Variants in BLTP2 observed in about 807,000 individuals in gnomAD.
BLTP2 encodes U937-associated antigen.
chr17:28,631,490 T>C, the BLTP2 span: 62 of 1,613,894 alleles, frequency 3.8e-5, no homozygotes, highest in Middle Eastern at 9.9e-4. Context: ...TCCTCAGCTG[T>C]GCGATTGCTA....
At chr17:28,632,081 G>T in the BLTP2 span, 6 of 1,614,102 alleles carry the variant, frequency 3.7e-6, no homozygotes, top group South Asian at 6.6e-5. Context: ...GTATAGGAAA[G>T]TTGCTTGTAG....
At chr17:28,622,477 T>C in the BLTP2 span, among the ~76,000 whole-genome samples, 1 of 152,290 alleles carries the variant, frequency 6.6e-6, no homozygotes, top group East Asian at 1.9e-4. Flanking sequence ...AATGGACTTA[T>C]CACTGTGGTC....
chr17:28,637,918 T>C, the BLTP2 span: 1 of 1,614,056 alleles, frequency 6.2e-7, no homozygotes, highest in Non-Finnish European at 8.5e-7. Context: ...ATTCCCCAAA[T>C]GAAGAGTGCC....
At chr17:28,633,231 C>T in the BLTP2 span, 1 of 1,599,720 alleles carries the variant, frequency 6.3e-7, no homozygotes, top group Non-Finnish European at 8.6e-7. Context: ...TTCCCCCTCC[C>T]TCCAACCTGA....
At chr17:28,628,281 A>T in the BLTP2 span, 1 of 1,614,140 alleles carries the variant, frequency 6.2e-7, no homozygotes, top group Admixed American at 1.7e-5. Context: ...ATGACCCCTT[A>T]TCAGGTTGTC....
At chr17:28,644,228 A>G in the BLTP2 span, 6 of 1,601,882 alleles carry the variant, frequency 3.7e-6, no homozygotes, top group Non-Finnish European at 5.1e-6. Flanking sequence ...CCTTTTTCCA[A>G]TGATGGTTTC....
At chr17:28,631,429 G>C in the BLTP2 span, 1 of 1,500,742 alleles carries the variant, frequency 6.7e-7, no homozygotes, top group Non-Finnish European at 9.3e-7. Context: ...AGTAGGCTGA[G>C]ATACCTACTA....
chr17:28,640,888 A>G, the BLTP2 span, among the ~76,000 whole-genome samples: 1 of 152,244 alleles, frequency 6.6e-6, no homozygotes, highest in African/African-American at 2.4e-5. Context: ...TAAAGAGTAC[A>G]AGGAGCAGGT....
the BLTP2 span, chr17:28,619,021 T>TAACA: frequency 6.6e-7 from 1 of 1,508,312 alleles, no homozygotes; most frequent in African/African-American, 1.4e-5. Context: ...AGCACATGGG[T>TAACA]TGGGGGTGGG....
the BLTP2 span, chr17:28,620,716 C>A: frequency 1.4e-6 from 2 of 1,458,966 alleles, no homozygotes; most frequent in South Asian, 1.2e-5. Flanking sequence ...TGGAACCACC[C>A]CACTAGTCAA....
At chr17:28,641,045 A>G in the BLTP2 span, among the ~76,000 whole-genome samples, 5 of 152,262 alleles carry the variant, frequency 3.3e-5, no homozygotes, top group African/African-American at 1.2e-4. Context: ...GGATTTAGTT[A>G]GAGAATATAC....
At chr17:28,639,950 G>C in the BLTP2 span, 7 of 1,613,990 alleles carry the variant, frequency 4.3e-6, no homozygotes, top group South Asian at 1.1e-5. Context: ...AGTTTGCTGT[G>C]AAGCTTCGAA....
At chr17:28,625,946 G>A in the BLTP2 span, among the ~76,000 whole-genome samples, 1 of 152,134 alleles carries the variant, frequency 6.6e-6, no homozygotes. Context: ...TGTATTTTTA[G>A]TAGAGACAGG....
chr17:28,616,584 T>C, the BLTP2 span: 1 of 1,614,076 alleles, frequency 6.2e-7, no homozygotes, highest in South Asian at 1.1e-5. The surrounding 1 kb of genome is among the most constrained non-coding windows in gnomAD (Gnocchi z 4.8). Context: ...GTTGCTACCC[T>C]ATTCTTCTGG....
At chr17:28,633,044 G>A in the BLTP2 span, 2 of 1,588,436 alleles carry the variant, frequency 1.3e-6, no homozygotes, top group Admixed American at 3.6e-5. Flanking sequence ...ACCTCAGGCA[G>A]GAACTCTGGG....
the BLTP2 span, chr17:28,638,315 C>A: frequency 6.2e-7 from 1 of 1,613,520 alleles, no homozygotes; most frequent in Non-Finnish European, 8.5e-7. Context: ...GTGGGTGTGG[C>A]GCCCGCTGAA....
the BLTP2 span, chr17:28,643,053 G>C: frequency 6.5e-7 from 1 of 1,529,134 alleles, no homozygotes; most frequent in East Asian, 2.2e-5. Context: ...TTCCAGATGA[G>C]AAAGAGGGGC....
chr17:28,631,799 G>T, the BLTP2 span: 2 of 1,609,446 alleles, frequency 1.2e-6, no homozygotes, highest in Non-Finnish European at 8.5e-7. Context: ...TAGGAGAAAT[G>T]AAAGGAGTCT....
chr17:28,637,339 G>C, the BLTP2 span, among the ~76,000 whole-genome samples: 1 of 152,166 alleles, frequency 6.6e-6, no homozygotes, highest in South Asian at 2.1e-4. Context: ...AACCTAACTA[G>C]ATTCGGCAGA....
Sources: gnomAD v4.1 joint callset for allele counts (sites outside exome capture counted in the v4.1 genomes callset) on GRCh38, gnomAD v4.1.1 for gene constraint, Gnocchi (gnomAD v3.1) non-coding constraint, MANE v1.5 for transcripts, NCBI Gene and HGNC (gene_info 2026-07-23, HGNC 2026-07-21) for gene names.